DLG2: variants seen among roughly 807,000 people sequenced by gnomAD.
DLG2 encodes discs large MAGUK scaffold protein 2.
DLG2 carries 45 observed loss-of-function variants against 132.5 expected under a neutral mutation model. The ratio of observed to expected loss-of-function variants is 0.34; its 90% CI spans 0.27 to 0.44. The LOEUF (loss-of-function observed/expected upper bound fraction) is 0.44. DLG2 is among the 20% of genes least tolerant of loss of function. The probability of loss-of-function intolerance (pLI) is 1.00; values close to 1 mark genes in which losing one functional copy is unlikely to be tolerated. For missense variants in DLG2, 1,045 were observed against 1,196.9 expected (o/e 0.87, Z 1.87); for synonymous variants, 424 against 419.6 (o/e 1.01, Z -0.13).
intron 5 of DLG2, among the ~76,000 whole-genome samples, chr11:85,112,043 G>A (rs1456854839): frequency 2.6e-5 from 4 of 152,018 alleles, no homozygotes; most frequent in Non-Finnish European, 4.4e-5. Context: ...TAGGCTGACT[G>A]TTCTCTTCCA....
chr11:83,970,244 C>T (rs2091059080), intron 12 of DLG2, among the ~76,000 whole-genome samples: 1 of 152,068 alleles, frequency 6.6e-6, no homozygotes, highest in Non-Finnish European at 1.5e-5. Flanking sequence ...GCACCTTTTG[C>T]CATTTTTAAG....
intron 10 of DLG2, 102 bp from the exon 11 acceptor site, chr11:84,059,586 T>C: frequency 1.1e-6 from 1 of 947,446 alleles, no homozygotes; most frequent in East Asian, 3.0e-5. Context: ...AAGTAAAGAA[T>C]CTAAAAAATT....
At chr11:84,310,407 TCATTTCCTAGCACA>T (rs2098274504) in intron 7 of DLG2, among the ~76,000 whole-genome samples, 1 of 152,210 alleles carries the variant, frequency 6.6e-6, no homozygotes, top group Non-Finnish European at 1.5e-5. Flanking sequence ...ATGACTAATG[TCATTTCCTAGCACA>T]GTGTCTCACA....
intron 21 of DLG2, among the ~76,000 whole-genome samples, chr11:83,491,504 T>C (rs1422588390): frequency 1.3e-5 from 2 of 152,008 alleles, no homozygotes; most frequent in East Asian, 3.9e-4. Context: ...TTATGTTATT[T>C]CTAAGACTGA....
intron 7 of DLG2, among the ~76,000 whole-genome samples, chr11:84,441,845 G>C (rs2099018060): frequency 6.6e-6 from 1 of 152,186 alleles, no homozygotes; most frequent in African/African-American, 2.4e-5. Flanking sequence ...TGGCTAGCCA[G>C]TTTTCCCAAC....
chr11:83,587,794 C>T (rs868817056), intron 19 of DLG2, among the ~76,000 whole-genome samples: 190 of 152,164 alleles, frequency 1.2e-3, no homozygotes, highest in African/African-American at 4.3e-3. Context: ...GCACCGTGCG[C>T]GAGCCGAAGC....
intron 6 of DLG2, among the ~76,000 whole-genome samples, chr11:84,703,870 A>G (rs865960203): frequency 2.4e-5 from 3 of 122,750 alleles, no homozygotes; most frequent in African/African-American, 1.2e-4. Flanking sequence ...ATATATATAT[A>G]TATATATATA....
In DLG2 at chr11:84,112,322, C is replaced by CTTT. The variant is rs60021668; in HGVS notation, c.625-13278_625-13276dup. Among the ~76,000 whole-genome samples, 16 of 119,208 alleles carry CTTT rather than the reference C, an allele frequency of 1.3e-4. No individual in the cohort carries two copies. In the South Asian group the frequency reaches 4.4e-3, roughly 33 times the overall value. The allele number at this position is 119,208 out of a possible 152,430, so 78.2% of individuals were successfully genotyped here. A position where few individuals can be genotyped will look rare whatever the true frequency, so the allele number is the denominator to read the frequency against. ...CTTTTTTTTTTTCTTTTTACTTTTCCTTTTTTTTTTTTTTTTTTTTTTTTT... is the reference window on the plus strand; with the variant it reads ...CTTTTTTTTTTTCTTTTTACTTTTCCTTTTTTTTTTTTTTTTTTTTTTTTTTTT... On this transcript the variant is annotated intron_variant, in intron 9 of 27. Coordinates refer to ENST00000376104, the MANE Select transcript of DLG2 (RefSeq NM_001142699.3).
At chr11:85,606,231 T>C (rs1052948317) in intron 2 of DLG2, among the ~76,000 whole-genome samples, 1 of 152,210 alleles carries the variant, frequency 6.6e-6, no homozygotes, top group African/African-American at 2.4e-5. Context: ...ATATACAAAA[T>C]TGAATGATCA....
intron 6 of DLG2, among the ~76,000 whole-genome samples, chr11:85,072,734 T>C (rs1197404151): frequency 6.6e-6 from 1 of 151,840 alleles, no homozygotes; most frequent in African/African-American, 2.4e-5. Flanking sequence ...CCAAAGCCCA[T>C]AATAAATACA....
chr11:84,294,847 G>C (rs1281536136), intron 7 of DLG2, among the ~76,000 whole-genome samples: 1 of 151,468 alleles, frequency 6.6e-6, no homozygotes, highest in African/African-American at 2.4e-5. Context: ...TTTCAAAGGA[G>C]GTCAAAAATA....
At chr11:83,495,859 C>A (rs1243298607) in intron 21 of DLG2, among the ~76,000 whole-genome samples, 1 of 152,084 alleles carries the variant, frequency 6.6e-6, no homozygotes, top group Non-Finnish European at 1.5e-5. Flanking sequence ...TCTAAACACA[C>A]AGGCTTAAAC....
chr11:85,566,199 CT>C (rs1296448950), intron 3 of DLG2, among the ~76,000 whole-genome samples: 1 of 151,960 alleles, frequency 6.6e-6, no homozygotes, highest in East Asian at 1.9e-4. Context: ...ATTGGGTTGT[CT>C]TTTTTATGTT....
At chr11:84,499,708 C>G (rs1399134212) in intron 7 of DLG2, among the ~76,000 whole-genome samples, 1 of 151,952 alleles carries the variant, frequency 6.6e-6, no homozygotes, top group Admixed American at 6.6e-5. Flanking sequence ...TCACTGTTCT[C>G]TCTTTCTGTC....
rs190431188 is a variant in DLG2, at chr11:85,152,124, T to A, written c.282+2432A>T. 3.3e-3 allele frequency among the ~76,000 whole-genome samples: 509 copies of A among 152,260 alleles called. 3 individuals are homozygous for A. The highest frequency in any genetic ancestry group is 0.011 in the African/African-American group (461 of 41,550). The stretch of plus-strand genomic sequence containing the variant: ...GCAGCTATTTAACAGAGTATAAATA[T>A]ACACTATAGCCTAAAAATAATTAAG... On this transcript the variant is annotated intron_variant, in intron 5 of 27. Coordinates refer to ENST00000376104, the MANE Select transcript of DLG2 (RefSeq NM_001142699.3).
At chr11:84,948,066 G>A (rs1406971155) in intron 6 of DLG2, among the ~76,000 whole-genome samples, 1 of 152,178 alleles carries the variant, frequency 6.6e-6, no homozygotes, top group African/African-American at 2.4e-5. Flanking sequence ...GAGTTTTTCT[G>A]ATGGAATTTC....
chr11:84,859,922 A>G (rs1435205100), intron 6 of DLG2, among the ~76,000 whole-genome samples: 1 of 152,088 alleles, frequency 6.6e-6, no homozygotes, highest in Non-Finnish European at 1.5e-5. Flanking sequence ...CACCTCCTCT[A>G]CGCAGCCTCT....
intron 5 of DLG2, among the ~76,000 whole-genome samples, chr11:85,125,664 AGACTT>A (rs760931522): frequency 1.3e-5 from 2 of 152,202 alleles, no homozygotes; most frequent in East Asian, 3.8e-4. Flanking sequence ...AGAGTCATAA[AGACTT>A]GAGTTGGAAT....
chr11:84,554,769 G>A (rs1395693756), intron 6 of DLG2, among the ~76,000 whole-genome samples: 1 of 151,818 alleles, frequency 6.6e-6, no homozygotes, highest in East Asian at 1.9e-4. Context: ...AATAATGAAG[G>A]AAATAAAGTC....
Sources: gnomAD v4.1 joint callset for allele counts (sites outside exome capture counted in the v4.1 genomes callset) on GRCh38, gnomAD v4.1.1 for gene constraint, MANE v1.5 for transcripts, NCBI Gene and HGNC (gene_info 2026-07-23, HGNC 2026-07-21) for gene names.